Variants in TBC1D2 observed in about 807,000 individuals in gnomAD.
The protein encoded by TBC1D2 is TBC1 domain family member 2A.
A neutral mutation model predicts 91.1 loss-of-function variants in TBC1D2; 58 were observed. The ratio of observed to expected loss-of-function variants is 0.64; its 90% CI spans 0.52 to 0.79. The LOEUF is 0.79. Ranked by LOEUF, TBC1D2 falls within the 30% of genes least tolerant of loss-of-function variation. The probability of loss-of-function intolerance (pLI) is 0.00; values close to 1 mark genes in which losing one functional copy is unlikely to be tolerated. For synonymous variants in TBC1D2, 482 were observed against 511.5 expected (o/e 0.94, Z 0.78); for missense variants, 1,080 against 1,208.3 (o/e 0.89, Z 1.57).
At position 98,199,395 on chromosome 9, in the gene TBC1D2, C is replaced by T. The variant is rs1272469816; in HGVS notation, c.2773G>A (p.Glu925Lys). 4.3e-6 allele frequency: 7 copies of T among 1,613,032 alleles called. No homozygotes were observed. The highest frequency in any genetic ancestry group is 5.9e-6 in the Non-Finnish European group (7 of 1,179,960). The change falls in exon 13 of 13, where the codon GAG (glutamate) becomes AAG (lysine). Residue 925 changes from glutamate (E) to lysine (K), a missense_variant. Transcript: ENST00000465784. ...AGGTGGCCAAGTCAGGCTTCCCCCT[C>T]CACCTCGTCCTCGCTGGCACAGCCC... ...SEGCASEDEVEGEA is the reference protein window; with the variant it reads ...SEGCASEDEVKGEA
chr9:98,254,099 G>A (rs889593248), intron 1 of TBC1D2, among the ~76,000 whole-genome samples: 3 of 152,154 alleles, frequency 2.0e-5, no homozygotes, highest in African/African-American at 7.2e-5. Context: ...GCCAAGTCCA[G>A]TCAGTAAAGG....
At chr9:98,222,103 G>A (rs1329363505) in intron 5 of TBC1D2, among the ~76,000 whole-genome samples, 1 of 152,096 alleles carries the variant, frequency 6.6e-6, no homozygotes, top group Non-Finnish European at 1.5e-5. Context: ...ACAAACTGAG[G>A]CCCAGCAGAG....
intron 9 of TBC1D2, among the ~76,000 whole-genome samples, chr9:98,206,382 C>A (rs941585261): frequency 2.0e-5 from 3 of 152,206 alleles, no homozygotes; most frequent in Admixed American, 1.3e-4. Context: ...CGTCTGGGGA[C>A]CTTCCGCCTC....
intron 1 of TBC1D2, 148 bp from the exon 2 acceptor site, chr9:98,252,074 GC>G: frequency 9.7e-7 from 1 of 1,036,012 alleles, no homozygotes; most frequent in Non-Finnish European, 1.3e-6. Context: ...ATGCTTCCTG[GC>G]CACAGAAGAT....
Position 98,201,415 on chromosome 9 carries a change from A to G in TBC1D2, c.2457+64T>C, listed in dbSNP as rs1283710813. ...CTTCCCATTCTCCAGGGGCAGAGTC[A>G]AGACGCAGATGGGTGAAGGGACTTG... is the stretch of plus-strand genomic sequence containing the variant. On this transcript the variant is annotated intron_variant, in intron 11 of 12. Coordinates refer to ENST00000465784, the MANE Select transcript of TBC1D2 (RefSeq NM_001267571.2). 4.1e-6 allele frequency: 6 copies of G among 1,478,786 alleles called. No homozygotes were observed. In the African/African-American group the frequency reaches 8.3e-5, roughly 21 times the overall value. 91.6% of individuals were successfully genotyped at this position (1,478,786 alleles called of 1,614,324 possible).
At chr9:98,212,353 G>A (rs1457143262) in intron 7 of TBC1D2, among the ~76,000 whole-genome samples, 1 of 152,088 alleles carries the variant, frequency 6.6e-6, no homozygotes, top group Non-Finnish European at 1.5e-5. Flanking sequence ...TTACTATGCT[G>A]TCTCTTTTCC....
intron 5 of TBC1D2, among the ~76,000 whole-genome samples, chr9:98,224,265 GT>G (rs77684919): frequency 0.38 from 45,923 of 121,956 alleles, 9,611 homozygotes; most frequent in African/African-American, 0.51. Flanking sequence ...TTTTTGAAGT[GT>G]TTTTTTTTCT....
chr9:98,247,728 CAAAAA>C (rs58713846), intron 2 of TBC1D2, among the ~76,000 whole-genome samples: 3,000 of 71,018 alleles, frequency 0.042, 71 homozygotes, highest in African/African-American at 0.13. Context: ...GACTCCGTCT[CAAAAA>C]AAAAAAAAAA....
intron 6 of TBC1D2, among the ~76,000 whole-genome samples, chr9:98,215,889 A>C (rs1213026762): frequency 6.6e-6 from 1 of 152,106 alleles, no homozygotes; most frequent in African/African-American, 2.4e-5. Flanking sequence ...ATCCACCTGG[A>C]TGCCCACACT....
rs375721269 is a variant in TBC1D2 at position 98,220,898 on chromosome 9, G to C, written c.1309C>G (p.Pro437Ala). Residue 437 changes from proline to alanine, a missense_variant, in exon 6 of 13, where the codon CCT becomes GCT. Pro to Ala is a conservative substitution (Grantham distance 27). Coordinates refer to ENST00000465784, the MANE Select transcript of TBC1D2 (RefSeq NM_001267571.2). ...CTGTTGGCAGCGTCGGGGCGCAAAG[G>C]AGACTGGTCAGGGGGGTGCGTGAAG... ...QDFTHPPDQS[P>A]LRPDAANRDF... 3 of 1,614,064 alleles carry C rather than the reference G, an allele frequency of 1.9e-6. No homozygotes were observed. Among genetic ancestry groups the C allele is most frequent in the Non-Finnish European group, 2.5e-6 (3 of 1,180,026 alleles).
intron 5 of TBC1D2, 79 bp from the exon 6 acceptor site, chr9:98,221,307 G>A (rs2119085295): frequency 6.9e-7 from 1 of 1,443,256 alleles, no homozygotes; most frequent in African/African-American, 1.4e-5. Flanking sequence ...GTTATCAGTA[G>A]TTCTCCTAAC....
chr9:98,224,578 C>T (rs527421977), intron 5 of TBC1D2, among the ~76,000 whole-genome samples: 23 of 152,234 alleles, frequency 1.5e-4, no homozygotes, highest in African/African-American at 4.8e-4. Flanking sequence ...CCACCATGCC[C>T]GGCCCAAGTG....
At chr9:98,229,357 G>A (rs1829314045) in intron 4 of TBC1D2, 3 of 563,422 alleles carry the variant, frequency 5.3e-6, no homozygotes, top group East Asian at 3.0e-5. Context: ...CTTGTCCAGG[G>A]GTTAGACTGT....
intron 2 of TBC1D2, among the ~76,000 whole-genome samples, chr9:98,247,855 A>C (rs188037060): frequency 2.1e-3 from 321 of 152,260 alleles, no homozygotes; most frequent in Middle Eastern, 6.8e-3. Context: ...TCAATATTTT[A>C]ACCATCTTAT....
chr9:98,234,529 C>A (rs765825127), intron 3 of TBC1D2, among the ~76,000 whole-genome samples: 4 of 152,178 alleles, frequency 2.6e-5, no homozygotes, highest in African/African-American at 7.2e-5. Context: ...AGTGTCATGA[C>A]CAGCATTTAA....
At chr9:98,254,758 C>A (rs557275222) in intron 1 of TBC1D2, among the ~76,000 whole-genome samples, 16 of 152,162 alleles carry the variant, frequency 1.1e-4, no homozygotes, top group Non-Finnish European at 2.2e-4. Flanking sequence ...GAATCCTGGC[C>A]TTGAGAGAGG....
chr9:98,222,892 T>A (rs1320162242), intron 5 of TBC1D2, among the ~76,000 whole-genome samples: 1 of 152,238 alleles, frequency 6.6e-6, no homozygotes, highest in Non-Finnish European at 1.5e-5. Flanking sequence ...CAAGACCACA[T>A]TAGCCTGCAT....
At chr9:98,253,343 C>G (rs374475641) in intron 1 of TBC1D2, among the ~76,000 whole-genome samples, 7 of 152,272 alleles carry the variant, frequency 4.6e-5, no homozygotes, top group Admixed American at 3.3e-4. Flanking sequence ...CCTACTATCC[C>G]GAGACACCTC....
At chr9:98,213,027 A>C in intron 7 of TBC1D2, 81 bp downstream of exon 7, 1 of 1,471,542 alleles carries the variant, frequency 6.8e-7, no homozygotes, top group Non-Finnish European at 9.5e-7. Flanking sequence ...GGAAATGAGG[A>C]GAGTGAGACG....
Sources: gnomAD v4.1 joint callset for allele counts (sites outside exome capture counted in the v4.1 genomes callset) on GRCh38, gnomAD v4.1.1 for gene constraint, MANE v1.5 for transcripts, NCBI Gene and HGNC (gene_info 2026-07-23, HGNC 2026-07-21) for gene names.